KCNH5: variants seen among roughly 807,000 people sequenced by gnomAD.
KCNH5 encodes the protein voltage-gated delayed rectifier potassium channel KCNH5.
Under a neutral mutation model 96.1 loss-of-function variants are expected in KCNH5, and 46 were observed. The observed-to-expected ratio is 0.48, with a 90% CI of 0.38 to 0.61. The LOEUF is 0.61. KCNH5 is among the 20% of genes least tolerant of loss of function. KCNH5 has a pLI of 0.00. For missense variants in KCNH5, 907 were observed against 1,225.8 expected (o/e 0.74, Z 3.88); for synonymous variants, 439 against 449.8 (o/e 0.98, Z 0.30).
intron 7 of KCNH5, 144 bp from the exon 8 acceptor site, chr14:62,849,996 T>A (rs1186725666): frequency 3.6e-5 from 23 of 643,754 alleles, no homozygotes; most frequent in Non-Finnish European, 5.4e-6. Context: ...GAAGACTGCC[T>A]GACACCTGGT....
At chr14:62,874,491 C>T (rs1411945295) in intron 7 of KCNH5, among the ~76,000 whole-genome samples, 3 of 152,252 alleles carry the variant, frequency 2.0e-5, no homozygotes, top group African/African-American at 7.2e-5. Flanking sequence ...AGCTTATCCA[C>T]CACGATCAAG....
At chr14:62,842,055 G>T (rs1310479618) in intron 8 of KCNH5, among the ~76,000 whole-genome samples, 2 of 152,134 alleles carry the variant, frequency 1.3e-5, no homozygotes, top group Non-Finnish European at 2.9e-5. Flanking sequence ...AAAAGAATGT[G>T]CTTAATATTA....
intron 10 of KCNH5, among the ~76,000 whole-genome samples, chr14:62,757,473 G>A (rs1885648210): frequency 6.6e-6 from 1 of 152,082 alleles, no homozygotes; most frequent in Non-Finnish European, 1.5e-5. Flanking sequence ...TCAGTATATC[G>A]AAGAGATATC....
At chr14:62,933,735 G>A (rs1334968729) in intron 7 of KCNH5, among the ~76,000 whole-genome samples, 3 of 152,028 alleles carry the variant, frequency 2.0e-5, no homozygotes, top group Non-Finnish European at 2.9e-5. Flanking sequence ...ACCTTATAGC[G>A]CTATTTGGTT....
chr14:62,729,390 CT>C (rs1885002888), intron 10 of KCNH5, among the ~76,000 whole-genome samples: 1 of 152,146 alleles, frequency 6.6e-6, no homozygotes, highest in Non-Finnish European at 1.5e-5. Flanking sequence ...CAGCACTGTC[CT>C]GGGCAAAGGA....
At chr14:62,954,500 T>G (rs1398242025) in intron 6 of KCNH5, among the ~76,000 whole-genome samples, 1 of 152,194 alleles carries the variant, frequency 6.6e-6, no homozygotes, top group South Asian at 2.1e-4. Flanking sequence ...TAAACTTTTA[T>G]GAAACAAGCA....
intron 5 of KCNH5, among the ~76,000 whole-genome samples, chr14:62,986,013 A>C (rs1890700591): frequency 6.6e-6 from 1 of 152,186 alleles, no homozygotes; most frequent in African/African-American, 2.4e-5. Context: ...CACTATTCTA[A>C]TGTATTAACA....
intron 10 of KCNH5, among the ~76,000 whole-genome samples, chr14:62,770,462 G>A (rs1374584840): frequency 2.6e-5 from 4 of 152,156 alleles, no homozygotes; most frequent in South Asian, 4.1e-4. Context: ...TTGCTACTAC[G>A]CTTCTCCATA....
intron 6 of KCNH5, among the ~76,000 whole-genome samples, chr14:62,958,758 A>G (rs1890153398): frequency 6.6e-6 from 1 of 152,156 alleles, no homozygotes; most frequent in Non-Finnish European, 1.5e-5. Context: ...TCACAACTGT[A>G]TTATGAACTG....
intron 1 of KCNH5, among the ~76,000 whole-genome samples, chr14:63,033,862 G>A (rs1436285091): frequency 5.3e-5 from 8 of 151,764 alleles, no homozygotes; most frequent in South Asian, 2.1e-4. Flanking sequence ...ATATTCCCCC[G>A]CTTTGAATGG....
At chr14:62,741,571 C>A (rs1208052584) in intron 10 of KCNH5, among the ~76,000 whole-genome samples, 2 of 151,966 alleles carry the variant, frequency 1.3e-5, no homozygotes, top group Middle Eastern at 3.2e-3. Flanking sequence ...TAACATAAAG[C>A]ATGGAAAGGA....
chr14:62,974,613 C>T (rs1318530771), intron 6 of KCNH5, among the ~76,000 whole-genome samples: 2 of 152,126 alleles, frequency 1.3e-5, no homozygotes, highest in East Asian at 1.9e-4. Context: ...CTTCAGAGAG[C>T]GTGTCGACAA....
At chr14:62,880,203 T>C (rs1888464632) in intron 7 of KCNH5, among the ~76,000 whole-genome samples, 1 of 152,160 alleles carries the variant, frequency 6.6e-6, no homozygotes, top group African/African-American at 2.4e-5. Context: ...ACATAGGTAA[T>C]TATATTTTCT....
chr14:62,988,812 G>A (rs1384011792), intron 4 of KCNH5, among the ~76,000 whole-genome samples: 1 of 152,022 alleles, frequency 6.6e-6, no homozygotes, highest in African/African-American at 2.4e-5. Flanking sequence ...CCAGACCTAT[G>A]TGTCTAGCTA....
intron 2 of KCNH5, among the ~76,000 whole-genome samples, chr14:63,014,280 CAG>C (rs75829821): frequency 0.047 from 7,191 of 152,104 alleles, 194 homozygotes; most frequent in East Asian, 0.061. Flanking sequence ...GTATGCTATC[CAG>C]AGCATGTGAG....
chr14:62,840,566 C>T (rs202170369), intron 8 of KCNH5, among the ~76,000 whole-genome samples: 1,217 of 76,394 alleles, frequency 0.016, 22 homozygotes, highest in East Asian at 0.037. Context: ...TCTTTTTTTT[C>T]TTTTTTTTTT....
chr14:62,870,860 T>C (rs928497336), intron 7 of KCNH5, among the ~76,000 whole-genome samples: 1 of 152,176 alleles, frequency 6.6e-6, no homozygotes, highest in Non-Finnish European at 1.5e-5. Flanking sequence ...AGAGGATAGG[T>C]TGCTTGTTCA....
At chr14:62,897,902 AG>A (rs750540048) in intron 7 of KCNH5, among the ~76,000 whole-genome samples, 19 of 152,156 alleles carry the variant, frequency 1.2e-4, no homozygotes, top group Non-Finnish European at 2.8e-4. Flanking sequence ...ATGGAAATGG[AG>A]CATGGCAAAC....
chr14:62,912,037 CAAAA>C (rs1163755853), intron 7 of KCNH5, among the ~76,000 whole-genome samples: 1 of 79,664 alleles, frequency 1.3e-5, no homozygotes. Context: ...GACTCCTAAT[CAAAA>C]AAAAAAAAAA....
Sources: allele counts gnomAD v4.1 joint callset (sites outside exome capture counted in the v4.1 genomes callset), GRCh38; gene constraint gnomAD v4.1.1; transcripts MANE v1.5; gene names NCBI Gene and HGNC (gene_info 2026-07-23, HGNC 2026-07-21).